Variants in FBXL17 observed in about 807,000 individuals in gnomAD.
FBXL17 encodes the protein F-box and leucine rich repeat protein 17.
FBXL17 carries 22 observed loss-of-function variants against 66.2 expected under a neutral mutation model. The observed-to-expected ratio is 0.33, with a 90% confidence interval of 0.24 to 0.47. The LOEUF is 0.47. Among genes scored for constraint, FBXL17 ranks in the 20% least tolerant of loss-of-function variants. FBXL17 has a pLI of 1.00. For missense variants in FBXL17, 878 were observed against 948.2 expected (o/e 0.93, Z 0.97); for synonymous variants, 474 against 400.5 (o/e 1.18, Z -2.19).
At chr5:108,293,098 C>CAAAAAAAAAAAAAAA (rs1390083749) in intron 4 of FBXL17, among the ~76,000 whole-genome samples, 1 of 92,580 alleles carries the variant, frequency 1.1e-5, no homozygotes, top group Non-Finnish European at 2.4e-5. Context: ...AAAAAAAAAA[C>CAAAAAAAAAAAAAAA]AAAAAAAAAA....
In FBXL17 at chr5:107,978,606, C is replaced by T. The variant is rs1580276780; in HGVS notation, c.1822+42319G>A. On this transcript the variant is annotated intron_variant, in intron 7 of 8. Coordinates refer to ENST00000542267, the MANE Select transcript of FBXL17 (RefSeq NM_001163315.3). ...CTACCTGGACCTACAACTTGTGATT[C>T]AATCTGTCTATGGCCCTGACCCAGA... Among the ~76,000 whole-genome samples, 3 of 152,252 alleles carry T rather than the reference C, an allele frequency of 2.0e-5. 1 individual carries two copies. Among genetic ancestry groups the T allele is most frequent in the Middle Eastern group, 3.4e-3 (1 of 294 alleles).
intron 7 of FBXL17, among the ~76,000 whole-genome samples, chr5:108,004,667 T>C (rs1753858069): frequency 1.3e-5 from 2 of 152,110 alleles, no homozygotes; most frequent in South Asian, 4.1e-4. Context: ...CAGGCCTCAG[T>C]TTTCTTCTGA....
intron 6 of FBXL17, among the ~76,000 whole-genome samples, chr5:108,027,408 C>G (rs1754865102): frequency 6.6e-6 from 1 of 152,128 alleles, no homozygotes; most frequent in African/African-American, 2.4e-5. Flanking sequence ...ATTGATCCAT[C>G]CATTACCATA....
chr5:108,183,173 C>T (rs1165353008), intron 6 of FBXL17, among the ~76,000 whole-genome samples: 4 of 151,366 alleles, frequency 2.6e-5, no homozygotes, highest in African/African-American at 7.3e-5. Flanking sequence ...CCAGAGTAGC[C>T]GGGATTACAG....
intron 5 of FBXL17, among the ~76,000 whole-genome samples, chr5:108,220,429 T>A (rs1754810092): frequency 6.6e-6 from 1 of 152,168 alleles, no homozygotes; most frequent in Admixed American, 6.6e-5. Flanking sequence ...GTTTCCCGTA[T>A]CATAGGGATC....
chr5:107,993,889 C>T (rs991067853), intron 7 of FBXL17, among the ~76,000 whole-genome samples: 2 of 152,130 alleles, frequency 1.3e-5, no homozygotes, highest in Admixed American at 6.6e-5. Flanking sequence ...GCCTATGTTA[C>T]CAGATCAAGC....
Position 107,880,913 on chromosome 5 carries a change from A to T in FBXL17, c.1965+124T>A, listed in dbSNP as rs73780446. 6,115 of 1,475,084 alleles carry T rather than the reference A, an allele frequency of 4.1e-3. 233 individuals carry two copies. The African/African-American group carries it at 0.079, about 19-fold the overall frequency. The allele number at this position is 1,475,084 out of a possible 1,614,324, so 91.4% of individuals were successfully genotyped here. ...TGCATAGCTATAATTGCATATATAC[A>T]TATAAAATGTATATATAATATATAA... On this transcript the variant is annotated intron_variant, in intron 8 of 8. Coordinates refer to ENST00000542267, the MANE Select transcript of FBXL17 (RefSeq NM_001163315.3).
intron 4 of FBXL17, among the ~76,000 whole-genome samples, chr5:108,272,073 G>A (rs998019040): frequency 1.3e-5 from 2 of 152,074 alleles, no homozygotes; most frequent in Non-Finnish European, 2.9e-5. Context: ...GGAGGATCAC[G>A]AGGTCATGAG....
At chr5:107,918,132 C>T (rs753084004) in intron 7 of FBXL17, among the ~76,000 whole-genome samples, 1 of 152,158 alleles carries the variant, frequency 6.6e-6, no homozygotes, top group African/African-American at 2.4e-5. Context: ...TCTACTCACC[C>T]TCAGGAATGC....
At chr5:108,177,397 C>G (rs1369016758) in intron 6 of FBXL17, among the ~76,000 whole-genome samples, 1 of 152,142 alleles carries the variant, frequency 6.6e-6, no homozygotes, top group African/African-American at 2.4e-5. Context: ...AACATGTCAC[C>G]TTTTAGATAT....
At chr5:108,048,358 G>GA (rs1747338270) in intron 6 of FBXL17, among the ~76,000 whole-genome samples, 1 of 152,200 alleles carries the variant, frequency 6.6e-6, no homozygotes, top group East Asian at 1.9e-4. Context: ...GAGAATCATC[G>GA]AAAAAATGCT....
intron 4 of FBXL17, among the ~76,000 whole-genome samples, chr5:108,326,708 G>T (rs1424057920): frequency 6.6e-6 from 1 of 151,922 alleles, no homozygotes; most frequent in African/African-American, 2.4e-5. Flanking sequence ...TTAGACACAG[G>T]GCTAACCAAA....
intron 6 of FBXL17, among the ~76,000 whole-genome samples, chr5:108,154,688 T>C (rs562983471): frequency 1.1e-4 from 15 of 139,864 alleles, no homozygotes; most frequent in African/African-American, 2.9e-4. Flanking sequence ...TATATACACA[T>C]ATATATGTAT....
At position 108,010,512 on chromosome 5, in the gene FBXL17, G is replaced by A. The variant is rs183099371; in HGVS notation, c.1822+10413C>T. The stretch of plus-strand genomic sequence containing the variant: ...ATGAGAAGGCTGGACCTGTGATGAC[G>A]AATATAATAGGTTTTAAGCTGGAGG... On this transcript the variant is annotated intron_variant, in intron 7 of 8. Coordinates refer to ENST00000542267, the MANE Select transcript of FBXL17 (RefSeq NM_001163315.3). Among the ~76,000 whole-genome samples the A allele has an allele frequency of 3.1e-3, 466 of 152,244 alleles. 3 individuals carry two copies. Among genetic ancestry groups the A allele is most frequent in the African/African-American group, 0.011 (448 of 41,534 alleles).
rs55643516 is a variant in FBXL17 at position 107,946,255 on chromosome 5, TTATATATA to T, written c.1823-65084_1823-65077del. 3.4e-3 allele frequency among the ~76,000 whole-genome samples: 138 copies of T among 40,360 alleles called. 1 individual carries two copies. Among genetic ancestry groups the T allele is most frequent in the African/African-American group, 0.011 (96 of 8,654 alleles). The allele number at this position is 40,360 out of a possible 152,430, so 26.5% of individuals were successfully genotyped here. The stretch of plus-strand genomic sequence containing the variant: ...TATTATTACTTTTATCAATCTCATT[TTATATATA>T]TATATATATATATATATATATATAT... On this transcript the variant is annotated intron_variant, in intron 7 of 8. Coordinates refer to ENST00000542267, the MANE Select transcript of FBXL17 (RefSeq NM_001163315.3).
At chr5:108,321,235 T>G (rs936868354) in intron 4 of FBXL17, among the ~76,000 whole-genome samples, 2 of 151,818 alleles carry the variant, frequency 1.3e-5, no homozygotes, top group African/African-American at 4.8e-5. Flanking sequence ...CCTTAATTAC[T>G]GAGTATATAA....
rs1331978838 is a variant in FBXL17 at position 107,861,712 on chromosome 5, C to A, written c.*8G>T. 6.4e-7 allele frequency: 1 copy of A among 1,568,388 alleles called. No individual in the cohort carries two copies. The highest frequency in any genetic ancestry group is 8.7e-7 in the Non-Finnish European group (1 of 1,154,830). On this transcript the variant is annotated 3_prime_UTR_variant, in exon 9 of 9. Transcript: ENST00000542267. ...AATGATCCCAGTGGACTAGGCGAGG[C>A]AGGAGCGCTAGGAGGAGGCGGCAGA...
At chr5:108,144,035 C>T (rs1751465087) in intron 6 of FBXL17, among the ~76,000 whole-genome samples, 1 of 151,908 alleles carries the variant, frequency 6.6e-6, no homozygotes, top group Admixed American at 6.6e-5. Flanking sequence ...ACAATAGCAA[C>T]TCACATTTAT....
intron 5 of FBXL17, among the ~76,000 whole-genome samples, chr5:108,193,285 A>G (rs908245609): frequency 6.6e-6 from 1 of 152,192 alleles, no homozygotes; most frequent in Non-Finnish European, 1.5e-5. Flanking sequence ...CTAAAGGCAG[A>G]GGAAGAGAGA....
Sources: gnomAD v4.1 joint callset for allele counts (sites outside exome capture counted in the v4.1 genomes callset) on GRCh38, gnomAD v4.1.1 for gene constraint, MANE v1.5 for transcripts, NCBI Gene and HGNC (gene_info 2026-07-23, HGNC 2026-07-21) for gene names.